The following SPOCK3 variants were observed in gnomAD, a reference collection of about 807,000 sequenced individuals.
The protein encoded by SPOCK3 is testican-3.
Under a neutral mutation model 56.6 loss-of-function variants are expected in SPOCK3, and 30 were observed. The ratio of observed to expected loss-of-function variants is 0.53; its 90% CI spans 0.40 to 0.72. SPOCK3 has a LOEUF of 0.72. Ranked by LOEUF, SPOCK3 falls within the 30% of genes least tolerant of loss-of-function variation. The pLI, the probability that SPOCK3 is intolerant of heterozygous loss-of-function variation, is 0.00. For missense variants in SPOCK3, 527 were observed against 530.0 expected, an observed-to-expected ratio of 0.99 and a Z score of 0.06; for synonymous variants, 196 against 183.3, an observed-to-expected ratio of 1.07 and a Z score of -0.56.
At chr4:167,160,828 G>T (rs181216792) in intron 2 of SPOCK3, among the ~76,000 whole-genome samples, 1 of 152,240 alleles carries the variant, frequency 6.6e-6, no homozygotes, top group Non-Finnish European at 1.5e-5. Flanking sequence ...GGGCAAACTG[G>T]CTAGCCATAT....
intron 3 of SPOCK3, among the ~76,000 whole-genome samples, chr4:167,028,417 C>T (rs895680142): frequency 1.3e-5 from 2 of 150,670 alleles, no homozygotes; most frequent in Non-Finnish European, 2.9e-5. Context: ...AAGAATAATC[C>T]TGCATGTGTA....
intron 6 of SPOCK3, among the ~76,000 whole-genome samples, chr4:166,801,276 T>C (rs745437590): frequency 1.5e-4 from 23 of 152,140 alleles, no homozygotes; most frequent in Non-Finnish European, 2.9e-4. Context: ...GTCCAAATCA[T>C]AGGTATTCGG....
At chr4:166,965,488 A>AT in intron 4 of SPOCK3, among the ~76,000 whole-genome samples, 1 of 148,762 alleles carries the variant, frequency 6.7e-6, no homozygotes, top group Admixed American at 6.7e-5. Flanking sequence ...TTCTTTTGGC[A>AT]CTTTAAATGT....
intron 3 of SPOCK3, among the ~76,000 whole-genome samples, chr4:167,008,102 A>G (rs28758559): frequency 0.012 from 1,789 of 152,184 alleles, 39 homozygotes; most frequent in African/African-American, 0.041. Context: ...CTATAAATAT[A>G]TTTATTTCTT....
At chr4:167,204,371 GACTCACGTT>G (rs1733822991) in intron 2 of SPOCK3, among the ~76,000 whole-genome samples, 1 of 152,078 alleles carries the variant, frequency 6.6e-6, no homozygotes, top group Non-Finnish European at 1.5e-5. Flanking sequence ...AGGTTTAATT[GACTCACGTT>G]CCACACATAG....
intron 4 of SPOCK3, among the ~76,000 whole-genome samples, chr4:166,988,094 T>G (rs1044160650): frequency 6.6e-6 from 1 of 152,150 alleles, no homozygotes; most frequent in African/African-American, 2.4e-5. Flanking sequence ...AAGCAATAAT[T>G]GTTAGATCAA....
At chr4:166,829,639 C>G (rs892920887) in intron 6 of SPOCK3, among the ~76,000 whole-genome samples, 2 of 152,010 alleles carry the variant, frequency 1.3e-5, no homozygotes, top group African/African-American at 4.8e-5. Flanking sequence ...AAGTTTCCTG[C>G]TTGGTAGGAC....
At chr4:167,138,934 T>C (rs943199772) in intron 2 of SPOCK3, among the ~76,000 whole-genome samples, 7 of 152,008 alleles carry the variant, frequency 4.6e-5, no homozygotes, top group East Asian at 3.9e-4. Context: ...TCAATTAATA[T>C]GATTTATCAT....
chr4:166,883,120 G>A (rs565610973), intron 6 of SPOCK3: 36 of 152,116 alleles, frequency 2.4e-4, no homozygotes, highest in African/African-American at 8.2e-4. Flanking sequence ...AAAATTAAAC[G>A]TTAAAACTAA....
chr4:166,970,567 T>C (rs891892727), intron 4 of SPOCK3, among the ~76,000 whole-genome samples: 1 of 151,772 alleles, frequency 6.6e-6, no homozygotes, highest in East Asian at 1.9e-4. Flanking sequence ...TTACTAAGAA[T>C]ACAAAAATTA....
chr4:166,822,890 G>C (rs1687043156), intron 6 of SPOCK3, among the ~76,000 whole-genome samples: 1 of 151,978 alleles, frequency 6.6e-6, no homozygotes, highest in South Asian at 2.1e-4. Context: ...TAAAAAGTGA[G>C]AGAAGCTCAC....
At chr4:166,900,796 A>C (rs116544260) in intron 5 of SPOCK3, among the ~76,000 whole-genome samples, 1,769 of 152,264 alleles carry the variant, frequency 0.012, 43 homozygotes, top group African/African-American at 0.04. Context: ...AGTTGATGGA[A>C]AGAAAGAAAA....
chr4:166,841,561 T>C (rs1747335810), intron 6 of SPOCK3, among the ~76,000 whole-genome samples: 2 of 152,250 alleles, frequency 1.3e-5, no homozygotes, highest in South Asian at 2.1e-4. Flanking sequence ...GCTCTTATTT[T>C]TGTGTCTGTC....
intron 2 of SPOCK3, among the ~76,000 whole-genome samples, chr4:167,099,688 T>C (rs1759462365): frequency 6.6e-6 from 1 of 152,110 alleles, no homozygotes; most frequent in South Asian, 2.1e-4. Context: ...TAAGCAGTAG[T>C]TATTTAAAAT....
chr4:166,913,218 A>G (rs1317052037), intron 4 of SPOCK3, among the ~76,000 whole-genome samples: 1 of 152,200 alleles, frequency 6.6e-6, no homozygotes, highest in Non-Finnish European at 1.5e-5. Flanking sequence ...TCCAGGATTT[A>G]TCAGTATTTA....
intron 2 of SPOCK3, among the ~76,000 whole-genome samples, chr4:167,176,894 T>C (rs1731032878): frequency 6.6e-6 from 1 of 152,098 alleles, no homozygotes; most frequent in South Asian, 2.1e-4. Flanking sequence ...AAGCACAGCA[T>C]GAGATCACAG....
chr4:166,881,513 T>C (rs1241347693), intron 6 of SPOCK3, among the ~76,000 whole-genome samples: 1 of 152,100 alleles, frequency 6.6e-6, no homozygotes, highest in African/African-American at 2.4e-5. Context: ...TATGGCTTCA[T>C]GATTTATTTT....
intron 6 of SPOCK3, among the ~76,000 whole-genome samples, chr4:166,848,841 A>G (rs1748374544): frequency 6.6e-6 from 1 of 152,112 alleles, no homozygotes; most frequent in Admixed American, 6.6e-5. Flanking sequence ...CTTAGTTCCA[A>G]GTGCAATGTT....
At chr4:166,941,181 T>A (rs913940470) in intron 4 of SPOCK3, among the ~76,000 whole-genome samples, 1 of 150,618 alleles carries the variant, frequency 6.6e-6, no homozygotes, top group African/African-American at 2.5e-5. Context: ...AATTTATGCC[T>A]CCCAAGAATG....
Sources: allele counts gnomAD v4.1 joint callset (sites outside exome capture counted in the v4.1 genomes callset), GRCh38; gene constraint gnomAD v4.1.1; transcripts MANE v1.5; gene names NCBI Gene and HGNC (gene_info 2026-07-23, HGNC 2026-07-21).